Variants in PLPP3 observed in about 807,000 individuals in gnomAD.
PLPP3 encodes the protein phospholipid phosphatase 3.
A neutral mutation model predicts 29.6 loss-of-function variants in PLPP3; 6 were observed. The ratio of observed to expected loss-of-function variants is 0.20; its 90% CI spans 0.11 to 0.40. PLPP3 has a LOEUF of 0.40. PLPP3 is among the 10% of genes least tolerant of loss of function. The pLI is 1.00. For synonymous variants in PLPP3, 152 were observed against 159.7 expected, an observed-to-expected ratio of 0.95 and a Z score of 0.36; for missense variants, 308 against 407.7, an observed-to-expected ratio of 0.76 and a Z score of 2.11.
chr1:56,520,112 A>T (rs1366345905), intron 4 of PLPP3, among the ~76,000 whole-genome samples: 4 of 152,182 alleles, frequency 2.6e-5, no homozygotes, highest in Non-Finnish European at 5.9e-5. Flanking sequence ...AGGCCATCTC[A>T]TCCCACTCTT....
In PLPP3 at chr1:56,496,459, C is replaced by T; in HGVS notation, c.*92G>A. The stretch of plus-strand genomic sequence containing the variant: ...AAAAATCAGTCGGGCAAAAGTTTTT[C>T]CCTACATTCTACTGTCTGATGAGAT... On this transcript the variant is annotated 3_prime_UTR_variant, in exon 6 of 6. Transcript: ENST00000371250. The T allele has an allele frequency of 2.1e-6, 3 of 1,422,200 alleles. No homozygotes were observed. Among genetic ancestry groups the T allele is most frequent in the South Asian group, 2.8e-5 (2 of 71,890 alleles). 88.1% of individuals were successfully genotyped at this position (1,422,200 alleles called of 1,614,324 possible).
At chr1:56,548,127 T>C (rs1378408920) in intron 1 of PLPP3, among the ~76,000 whole-genome samples, 1 of 152,194 alleles carries the variant, frequency 6.6e-6, no homozygotes, top group Non-Finnish European at 1.5e-5. Flanking sequence ...GACTGTCACT[T>C]GCATTGAGCA....
At chr1:56,497,026 A>G (rs926128882) in intron 5 of PLPP3, among the ~76,000 whole-genome samples, 1 of 152,264 alleles carries the variant, frequency 6.6e-6, no homozygotes, top group Non-Finnish European at 1.5e-5. Flanking sequence ...GAAGCAGGTC[A>G]TAATTAGTGA....
chr1:56,568,629 T>G (rs1177929378), intron 1 of PLPP3, among the ~76,000 whole-genome samples: 1 of 152,182 alleles, frequency 6.6e-6, no homozygotes, highest in Non-Finnish European at 1.5e-5. Context: ...CATATCTTTC[T>G]TTTTCTTTTC....
At chr1:56,557,799 C>T (rs916213620) in intron 1 of PLPP3, among the ~76,000 whole-genome samples, 1 of 152,328 alleles carries the variant, frequency 6.6e-6, no homozygotes, top group East Asian at 1.9e-4. Context: ...TCTAAACCCT[C>T]ACTGTATGGA....
At chr1:56,558,035 G>C (rs1646096781) in intron 1 of PLPP3, among the ~76,000 whole-genome samples, 1 of 152,184 alleles carries the variant, frequency 6.6e-6, no homozygotes, top group South Asian at 2.1e-4. Flanking sequence ...CAGCAGGTTT[G>C]TGGTCCTTAA....
intron 1 of PLPP3, among the ~76,000 whole-genome samples, chr1:56,549,908 T>C (rs186898233): frequency 3.3e-5 from 5 of 152,324 alleles, no homozygotes; most frequent in South Asian, 2.1e-4. Context: ...CGCTAGACAC[T>C]TTCCTGGTCA....
chr1:56,562,558 T>C (rs1185205920), intron 1 of PLPP3, among the ~76,000 whole-genome samples: 1 of 152,176 alleles, frequency 6.6e-6, no homozygotes, highest in African/African-American at 2.4e-5. Flanking sequence ...TTGCAAAATA[T>C]TTTTCTATAC....
intron 2 of PLPP3, among the ~76,000 whole-genome samples, chr1:56,528,612 C>A (rs1193241691): frequency 6.6e-6 from 1 of 151,982 alleles, no homozygotes; most frequent in Non-Finnish European, 1.5e-5. Context: ...ATATGTCAAT[C>A]GCCTGGCACC....
rs1027520818 is a variant in PLPP3 at position 56,555,097 on chromosome 1, C to G, written c.140-17985G>C. ...AGGAGTTGTAATTTGCCAAATGATA[C>G]TTAGTGGAAAGGGACAGAGGTGGCC... On this transcript the variant is annotated intron_variant, in intron 1 of 5. Coordinates refer to ENST00000371250, the MANE Select transcript of PLPP3 (RefSeq NM_003713.5). Among the ~76,000 whole-genome samples, 3 of 152,246 alleles carry G rather than the reference C, an allele frequency of 2.0e-5. 1 individual carries two copies. Among genetic ancestry groups the G allele is most frequent in the Non-Finnish European group, 1.5e-5 (1 of 68,020 alleles).
At chr1:56,515,855 T>A (rs1645777041) in intron 4 of PLPP3, among the ~76,000 whole-genome samples, 1 of 152,274 alleles carries the variant, frequency 6.6e-6, no homozygotes, top group African/African-American at 2.4e-5. Flanking sequence ...TTTACTTCTA[T>A]AAGCCTCAGT....
At chr1:56,553,028 A>T (rs1303870666) in intron 1 of PLPP3, among the ~76,000 whole-genome samples, 1 of 152,166 alleles carries the variant, frequency 6.6e-6, no homozygotes, top group East Asian at 1.9e-4. Context: ...CCCAAAGCAA[A>T]TTCAACATGG....
Position 56,511,795 on chromosome 1 carries a change from A to G in PLPP3, c.810+181T>C, listed in dbSNP as rs1645742715. Among the ~76,000 whole-genome samples, 3 of 151,890 alleles carry G rather than the reference A, an allele frequency of 2.0e-5. 1 individual carries two copies. Among genetic ancestry groups the G allele is most frequent in the Admixed American group, 1.3e-4 (2 of 15,254 alleles). ...CAAAACTCACAGGCTGGGAAGAAGC[A>G]GGAATTATTCTCATTTTACTGAAGG... On this transcript the variant is annotated intron_variant, in intron 5 of 5. Coordinates refer to ENST00000371250, the MANE Select transcript of PLPP3 (RefSeq NM_003713.5).
intron 1 of PLPP3, among the ~76,000 whole-genome samples, chr1:56,556,602 C>T (rs1429676369): frequency 6.6e-6 from 1 of 151,504 alleles, no homozygotes; most frequent in East Asian, 1.9e-4. Flanking sequence ...AGAAAAAAAG[C>T]AACATTGTTA....
intron 1 of PLPP3, among the ~76,000 whole-genome samples, chr1:56,546,840 C>G (rs1400059160): frequency 6.6e-6 from 1 of 152,192 alleles, no homozygotes; most frequent in African/African-American, 2.4e-5. Context: ...TCAGAAGATA[C>G]AGTGGACCCA....
intron 5 of PLPP3, among the ~76,000 whole-genome samples, chr1:56,508,559 A>C (rs1490557485): frequency 6.6e-6 from 1 of 152,154 alleles, no homozygotes; most frequent in Non-Finnish European, 1.5e-5. Context: ...TCTGTGTTTC[A>C]AAAACCATTC....
At chr1:56,522,497 T>C (rs1645825332) in intron 4 of PLPP3, among the ~76,000 whole-genome samples, 1 of 152,142 alleles carries the variant, frequency 6.6e-6, no homozygotes, top group Non-Finnish European at 1.5e-5. Flanking sequence ...AAATTTTCCT[T>C]TCTAAGAGCA....
chr1:56,565,570 G>A (rs1486946744), intron 1 of PLPP3, among the ~76,000 whole-genome samples: 9 of 152,048 alleles, frequency 5.9e-5, no homozygotes, highest in Admixed American at 1.3e-4. Context: ...ACAGGCACCC[G>A]CAACCGCACC....
chr1:56,504,728 T>C (rs1008451431), intron 5 of PLPP3, among the ~76,000 whole-genome samples: 6 of 152,196 alleles, frequency 3.9e-5, no homozygotes, highest in African/African-American at 1.4e-4. Flanking sequence ...CAAATGACCA[T>C]TCATTTTTAA....
Sources: allele counts gnomAD v4.1 joint callset (sites outside exome capture counted in the v4.1 genomes callset), GRCh38; gene constraint gnomAD v4.1.1; transcripts MANE v1.5; gene names NCBI Gene and HGNC (gene_info 2026-07-23, HGNC 2026-07-21).